The following REPS1 variants were observed in gnomAD, a reference collection of about 807,000 sequenced individuals.
The protein encoded by REPS1 is RALBP1 associated Eps domain containing 1, also known as ralBP1-associated Eps domain-containing protein 1.
In REPS1, 39 loss-of-function variants were observed where a neutral mutation model predicts 100.9. The ratio of observed to expected loss-of-function variants is 0.39; its 90% confidence interval spans 0.30 to 0.50. The LOEUF (loss-of-function observed/expected upper bound fraction) is 0.50. REPS1 is among the 20% of genes least tolerant of loss of function. The pLI is 0.86. For synonymous variants in REPS1, 324 were observed against 340.3 expected (o/e 0.95, Z 0.53); for missense variants, 821 against 968.5 (o/e 0.85, Z 2.02).
chr6:138,980,091 C>A (rs1784849090), intron 1 of REPS1, among the ~76,000 whole-genome samples: 1 of 152,150 alleles, frequency 6.6e-6, no homozygotes, highest in African/African-American at 2.4e-5. Context: ...CAACTTCCAG[C>A]AACATCCTTG....
At chr6:138,960,485 A>G (rs1258321779) in intron 1 of REPS1, among the ~76,000 whole-genome samples, 1 of 151,980 alleles carries the variant, frequency 6.6e-6, no homozygotes, top group African/African-American at 2.4e-5. Context: ...ACAAATAACT[A>G]TTTTCCAAAA....
chr6:138,914,647 C>G lies in REPS1; in HGVS notation c.1785+50G>C, dbSNP rs749693117. The G allele has an allele frequency of 2.0e-5, 28 of 1,396,542 alleles. No homozygotes were observed. The Admixed American group carries it at 4.7e-4, about 23-fold the overall frequency. The allele number at this position is 1,396,542 out of a possible 1,614,324, so 86.5% of individuals were successfully genotyped here. ...TTTGAGAATAGAATTAAATACCTAG[C>G]AGGCAAAGTGATCATGGGACATTTA... On this transcript the variant is annotated intron_variant, in intron 15 of 19. Transcript: ENST00000450536.
intron 14 of REPS1, chr6:138,915,179 T>C (rs11969951): frequency 0.081 from 13,697 of 168,732 alleles, 1,244 homozygotes; most frequent in African/African-American, 0.23. Context: ...CTAACTTTTC[T>C]ATTTTAACCA....
intron 19 of REPS1, among the ~76,000 whole-genome samples, chr6:138,905,429 C>A (rs894630849): frequency 4.0e-5 from 6 of 150,236 alleles, no homozygotes; most frequent in Non-Finnish European, 8.9e-5. Flanking sequence ...GTAGCTGGGA[C>A]TACAGGCGCC....
chr6:138,971,973 T>C (rs981766726), intron 1 of REPS1, among the ~76,000 whole-genome samples: 1 of 152,226 alleles, frequency 6.6e-6, no homozygotes, highest in African/African-American at 2.4e-5. Flanking sequence ...TTTGCTGTTC[T>C]GCACATCAAG....
chr6:138,949,137 T>TA (rs1782830808), intron 1 of REPS1, among the ~76,000 whole-genome samples: 5 of 152,178 alleles, frequency 3.3e-5, no homozygotes, highest in Admixed American at 3.3e-4. Context: ...TTACATATCT[T>TA]AAATACTTTT....
At chr6:138,913,102 C>A in intron 15 of REPS1, 152 bp from the exon 16 acceptor site, 1 of 537,402 alleles carries the variant, frequency 1.9e-6, no homozygotes, top group Non-Finnish European at 3.1e-6. Context: ...ACATTTAGCT[C>A]TAAAGAAATG....
intron 1 of REPS1, among the ~76,000 whole-genome samples, chr6:138,965,805 A>G (rs1783984622): frequency 6.6e-6 from 1 of 152,254 alleles, no homozygotes; most frequent in South Asian, 2.1e-4. Context: ...ATTAAGGAGT[A>G]GTATTTTTCA....
intron 1 of REPS1, among the ~76,000 whole-genome samples, chr6:138,965,143 T>C (rs1342439970): frequency 1.3e-5 from 2 of 152,122 alleles, no homozygotes; most frequent in African/African-American, 2.4e-5. Context: ...AAGTAGTACA[T>C]ACAGGCCAAT....
Position 138,987,774 on chromosome 6 carries a change from G to C in REPS1, c.-92C>G. On this transcript the variant is annotated 5_prime_UTR_variant, in exon 1 of 20. Transcript: ENST00000450536. ...GGCCGGCAGGGGCTGCGCGTGGCCCGGCCTCCTGCTAGCTTCCCGAAAACG... is the reference window on the plus strand; with the variant it reads ...GGCCGGCAGGGGCTGCGCGTGGCCCCGCCTCCTGCTAGCTTCCCGAAAACG... 1 of 1,364,522 alleles carries C rather than the reference G, an allele frequency of 7.3e-7. No homozygotes were observed. Among genetic ancestry groups the C allele is most frequent in the South Asian group, 1.7e-5 (1 of 59,542 alleles). 84.5% of individuals were successfully genotyped at this position (1,364,522 alleles called of 1,614,324 possible).
chr6:138,937,715 T>C (rs1366113365), intron 8 of REPS1, among the ~76,000 whole-genome samples: 4 of 152,200 alleles, frequency 2.6e-5, no homozygotes, highest in Admixed American at 2.6e-4. Flanking sequence ...AGCAGTGTGG[T>C]GTAAAGGTAG....
At chr6:138,942,964 T>G (rs1350525342) in intron 7 of REPS1, among the ~76,000 whole-genome samples, 2 of 152,158 alleles carry the variant, frequency 1.3e-5, no homozygotes, top group African/African-American at 4.8e-5. Flanking sequence ...CCCAGGCTGG[T>G]CTCAAACTCC....
intron 1 of REPS1, among the ~76,000 whole-genome samples, chr6:138,979,189 A>AAAC (rs1554298112): frequency 6.7e-6 from 1 of 148,482 alleles, no homozygotes; most frequent in Non-Finnish European, 1.5e-5. Context: ...ACAAAAAAAA[A>AAAC]AAAAAAAACA....
chr6:138,912,489 A>C (rs1358951874), intron 16 of REPS1, among the ~76,000 whole-genome samples: 1 of 152,222 alleles, frequency 6.6e-6, no homozygotes, highest in Non-Finnish European at 1.5e-5. Flanking sequence ...ACAGATGCTT[A>C]GCATTAAGAT....
chr6:138,915,975 A>C lies in REPS1; in HGVS notation c.1603T>G (p.Ser535Ala), dbSNP rs762758643. The C allele has an allele frequency of 4.4e-6, 7 of 1,608,600 alleles. No homozygotes were observed. Among genetic ancestry groups the C allele is most frequent in the Admixed American group, 3.3e-5 (2 of 59,952 alleles). The change falls in exon 14 of 20, where the codon TCT becomes GCT. Residue 535 changes from serine to alanine, a missense_variant and splice_region_variant. Physicochemically the swap from Ser to Ala is moderately conservative, Grantham distance 99. Coordinates refer to ENST00000450536, the MANE Select transcript of REPS1 (RefSeq NM_001286611.2). Reference protein sequence around the residue: ...QIGSNVTRQRSHSGTSPDNTA... With the variant: ...QIGSNVTRQRAHSGTSPDNTA... ...TTATCAGGCGACGTTCCTGAATGAG[A>C]CCTGCAAAATTCACCCCATGATAAT... is the stretch of plus-strand genomic sequence containing the variant.
intron 10 of REPS1, among the ~76,000 whole-genome samples, chr6:138,924,443 T>G (rs1009001302): frequency 6.6e-6 from 1 of 152,198 alleles, no homozygotes; most frequent in African/African-American, 2.4e-5. Flanking sequence ...CTCAACCAAC[T>G]ATTTCTCTAC....
chr6:138,964,430 T>C lies in REPS1; in HGVS notation c.154-16517A>G, dbSNP rs141247829. On this transcript the variant is annotated intron_variant, in intron 1 of 19. Coordinates refer to ENST00000450536, the MANE Select transcript of REPS1 (RefSeq NM_001286611.2). ...AATAAGAAATATATAAAATTCATCA[T>C]AGAAGAATTACTACAGCTAAATAGT... 4.7e-4 allele frequency among the ~76,000 whole-genome samples: 71 copies of C among 152,268 alleles called. 1 individual carries two copies. In the East Asian group the frequency reaches 0.011, roughly 24 times the overall value.
chr6:138,977,153 C>T (rs1173046451), intron 1 of REPS1, among the ~76,000 whole-genome samples: 2 of 152,150 alleles, frequency 1.3e-5, no homozygotes, highest in South Asian at 2.1e-4. Context: ...GTGTATAGAG[C>T]ACTATCACTA....
chr6:138,913,121 A>G (rs1480255392), intron 15 of REPS1, among the ~76,000 whole-genome samples, 171 bp from the exon 16 acceptor site: 1 of 152,184 alleles, frequency 6.6e-6, no homozygotes, highest in African/African-American at 2.4e-5. Flanking sequence ...TGATTAAACC[A>G]TAAGTGAAAA....
Sources: allele counts gnomAD v4.1 joint callset (sites outside exome capture counted in the v4.1 genomes callset), GRCh38; gene constraint gnomAD v4.1.1; transcripts MANE v1.5; gene names NCBI Gene and HGNC (gene_info 2026-07-23, HGNC 2026-07-21).